The following RASGRP3 variants were observed in gnomAD, a reference collection of about 807,000 sequenced individuals.
RASGRP3 encodes ras guanyl-releasing protein 3.
RASGRP3 carries 54 observed loss-of-function variants against 82.7 expected under a neutral mutation model. The ratio of observed to expected loss-of-function variants is 0.65; its 90% CI spans 0.52 to 0.82. The LOEUF is 0.82. Ranked by LOEUF, RASGRP3 falls within the 40% of genes least tolerant of loss-of-function variation. RASGRP3 has a pLI of 0.00. For missense variants in RASGRP3, 861 were observed against 828.9 expected, an observed-to-expected ratio of 1.04 and a Z score of -0.48; for synonymous variants, 309 against 300.5, an observed-to-expected ratio of 1.03 and a Z score of -0.29.
chr2:33,523,947 T>G lies in RASGRP3; in HGVS notation c.585T>G (p.Ile195Met). The G allele has an allele frequency of 6.2e-7, 1 of 1,614,002 alleles. No homozygotes were observed. The highest frequency in any genetic ancestry group is 8.5e-7 in the Non-Finnish European group (1 of 1,179,858). Residue 195 changes from isoleucine (I) to methionine (M), a missense_variant, in exon 8 of 18, where the codon ATT becomes ATG. Coordinates refer to ENST00000403687, the MANE Select transcript of RASGRP3 (RefSeq NM_001139488.2). Reference sequence around the variant, plus strand: ...ATAATCCAACCTTGGAAAGATCGATTGCTTTATTTAATGGAATCTCTAAGT... The same window carrying G: ...ATAATCCAACCTTGGAAAGATCGATGGCTTTATTTAATGGAATCTCTAAGT... The part of the protein sequence containing the change: ...LENNPTLERS[I>M]ALFNGISKWV...
At chr2:33,511,138 C>T (rs1272685920) in intron 1 of RASGRP3, among the ~76,000 whole-genome samples, 1 of 152,042 alleles carries the variant, frequency 6.6e-6, no homozygotes, top group Non-Finnish European at 1.5e-5. Flanking sequence ...TTATTGTGTC[C>T]CTTTCAGACT....
intron 7 of RASGRP3, 108 bp from the exon 8 acceptor site, chr2:33,523,771 A>T (rs2305571): frequency 7.2e-6 from 8 of 1,107,158 alleles, no homozygotes; most frequent in Non-Finnish European, 1.0e-5. Context: ...AAATAAAAGA[A>T]ATTGTGTTGT....
At chr2:33,449,313 C>A (rs1665662659) in intron 2 of RASGRP3, among the ~76,000 whole-genome samples, 1 of 152,146 alleles carries the variant, frequency 6.6e-6, no homozygotes, top group Non-Finnish European at 1.5e-5. Flanking sequence ...CTCAACCAAC[C>A]TTTCGTCATT....
At chr2:33,557,834 C>T (rs1676170465) in intron 15 of RASGRP3, among the ~76,000 whole-genome samples, 1 of 152,044 alleles carries the variant, frequency 6.6e-6, no homozygotes, top group African/African-American at 2.4e-5. Flanking sequence ...GGCATAGGCT[C>T]TCTTTGTGGG....
chr2:33,514,927 T>A, intron 2 of RASGRP3, 83 bp from the exon 3 acceptor site: 1 of 570,436 alleles, frequency 1.8e-6, no homozygotes, highest in Non-Finnish European at 3.1e-6. Flanking sequence ...TGGAAGTCAT[T>A]ATCTTTTCAG....
At chr2:33,514,740 A>G (rs897330879) in intron 2 of RASGRP3, among the ~76,000 whole-genome samples, 4 of 152,124 alleles carry the variant, frequency 2.6e-5, no homozygotes, top group African/African-American at 9.7e-5. Flanking sequence ...AGGAAAGTAT[A>G]AAACATTGCA....
chr2:33,436,861 AAT>A (rs1664951091), intron 1 of RASGRP3, among the ~76,000 whole-genome samples: 1 of 152,184 alleles, frequency 6.6e-6, no homozygotes, highest in Admixed American at 6.5e-5. Context: ...AGATAGTATA[AAT>A]AATTTCATTG....
rs572662000 is a variant in RASGRP3 at position 33,487,565 on chromosome 2, C to G, written c.-261+10858C>G. Among the ~76,000 whole-genome samples the G allele has an allele frequency of 1.1e-4, 17 of 152,246 alleles. 2 individuals carry two copies. The highest frequency in any genetic ancestry group is 4.1e-4 in the African/African-American group (17 of 41,540). On this transcript the variant is annotated intron_variant, in intron 1 of 17. Transcript: ENST00000403687. ...AAGGATTCCTTGAAAAGCAGTTAGC[C>G]TGGTTCAGCATTATACAGAGACTAC... is the stretch of plus-strand genomic sequence containing the variant.
chr2:33,452,468 G>A (rs527236328), intron 2 of RASGRP3, among the ~76,000 whole-genome samples: 1 of 152,230 alleles, frequency 6.6e-6, no homozygotes, highest in African/African-American at 2.4e-5. Context: ...CTTGGTGCCT[G>A]AGTCAGCAGG....
At chr2:33,491,502 T>C (rs1668842601) in intron 1 of RASGRP3, among the ~76,000 whole-genome samples, 1 of 152,250 alleles carries the variant, frequency 6.6e-6, no homozygotes, top group Admixed American at 6.5e-5. Context: ...TGCTATTATT[T>C]GCCAAATCAT....
At position 33,509,840 on chromosome 2, in the gene RASGRP3, A is replaced by G. The variant is rs78444136; in HGVS notation, c.-260-1870A>G. ...GGTGTCTGGTGTCTAGTAGATCCTC[A>G]GTAAGTATTTATCAAATAAATTAAT... On this transcript the variant is annotated intron_variant, in intron 1 of 17. Coordinates refer to ENST00000403687, the MANE Select transcript of RASGRP3 (RefSeq NM_001139488.2). Among the ~76,000 whole-genome samples the G allele has an allele frequency of 9.8e-3, 1,499 of 152,304 alleles. 31 individuals carry two copies. The highest frequency in any genetic ancestry group is 0.034 in the African/African-American group (1,417 of 41,554).
At chr2:33,495,866 G>C (rs1044548834) in intron 1 of RASGRP3, among the ~76,000 whole-genome samples, 5 of 152,364 alleles carry the variant, frequency 3.3e-5, no homozygotes, top group South Asian at 2.1e-4. Flanking sequence ...GGAGACAGCC[G>C]AAGGTAGGAG....
chr2:33,539,250 A>C (rs1280280644), intron 12 of RASGRP3, 40 bp downstream of exon 12: 4 of 1,408,798 alleles, frequency 2.8e-6, no homozygotes, highest in Non-Finnish European at 3.9e-6. Context: ...GCACTAGAAG[A>C]CCCTTTCTCT....
At chr2:33,446,433 A>C (rs566894362) in intron 1 of RASGRP3, among the ~76,000 whole-genome samples, 2 of 151,650 alleles carry the variant, frequency 1.3e-5, no homozygotes, top group Non-Finnish European at 1.5e-5. Context: ...CTGGGATTAC[A>C]GGCGTGAGCC....
intron 2 of RASGRP3, among the ~76,000 whole-genome samples, chr2:33,460,589 A>G (rs2150897955): frequency 6.7e-6 from 1 of 150,062 alleles, no homozygotes; most frequent in East Asian, 2.0e-4. Context: ...ATCTCGGCTC[A>G]CTGCAACTTT....
intron 2 of RASGRP3, among the ~76,000 whole-genome samples, chr2:33,465,306 G>T (rs10183077): frequency 1.8e-4 from 27 of 152,176 alleles, no homozygotes; most frequent in African/African-American, 6.5e-4. Flanking sequence ...TTCAATTCTC[G>T]GAAGGCTGAG....
chr2:33,460,686 T>C (rs1458358191), intron 2 of RASGRP3, among the ~76,000 whole-genome samples: 1 of 151,924 alleles, frequency 6.6e-6, no homozygotes, highest in Non-Finnish European at 1.5e-5. Context: ...GGCTAATTTT[T>C]TGTATTATAA....
chr2:33,471,656 GT>G (rs1197947826), upstream of RASGRP3, among the ~76,000 whole-genome samples: 1 of 151,970 alleles, frequency 6.6e-6, no homozygotes, highest in African/African-American at 2.4e-5. Flanking sequence ...TTGAAGCTCA[GT>G]TAGAACTTGA....
chr2:33,548,251 C>T (rs938539020), intron 13 of RASGRP3, among the ~76,000 whole-genome samples: 7 of 149,810 alleles, frequency 4.7e-5, no homozygotes, highest in Non-Finnish European at 8.9e-5. Context: ...GTCCCAGCTA[C>T]TCGGGAGGCT....
Sources: allele counts gnomAD v4.1 joint callset (sites outside exome capture counted in the v4.1 genomes callset), GRCh38; gene constraint gnomAD v4.1.1; transcripts MANE v1.5; gene names NCBI Gene and HGNC (gene_info 2026-07-23, HGNC 2026-07-21).